The following GSE1 variants were observed in gnomAD, a reference collection of about 807,000 sequenced individuals.
GSE1 encodes the protein Gse1 coiled-coil protein.
A neutral mutation model predicts 112.6 loss-of-function variants in GSE1; 32 were observed. The observed-to-expected ratio is 0.28, with a 90% CI of 0.21 to 0.38. The LOEUF is 0.38. Ranked by LOEUF, GSE1 falls within the 10% of genes least tolerant of loss-of-function variation. The pLI, the probability that GSE1 is intolerant of heterozygous loss-of-function variation, is 1.00. For missense variants in GSE1, 2,348 were observed against 1,699.2 expected (o/e 1.38, Z -6.71); for synonymous variants, 1,115 against 735.6 (o/e 1.52, Z -8.35).
intron 2 of GSE1, among the ~76,000 whole-genome samples, chr16:85,521,334 C>T (rs190868531): frequency 3.3e-5 from 5 of 152,330 alleles, no homozygotes; most frequent in East Asian, 1.9e-4. Context: ...AGAGGAGGAA[C>T]TGGAGCTCAG....
At chr16:85,670,891 G>C (rs377469964) in intron 14 of GSE1, 104 bp from the exon 15 acceptor site, 5 of 722,542 alleles carry the variant, frequency 6.9e-6, no homozygotes, top group Non-Finnish European at 1.3e-5. Flanking sequence ...CTGCACTGGA[G>C]AGAGGTTTTG....
chr16:85,464,553 G>T (rs772080386), intron 2 of GSE1, among the ~76,000 whole-genome samples: 120 of 152,338 alleles, frequency 7.9e-4, no homozygotes, highest in Admixed American at 1.4e-3. Flanking sequence ...GCCTGGTCAT[G>T]CGGTGTCTGG....
intron 2 of GSE1, among the ~76,000 whole-genome samples, chr16:85,534,493 A>G (rs1402382870): frequency 6.6e-6 from 1 of 152,138 alleles, no homozygotes; most frequent in African/African-American, 2.4e-5. Context: ...CCTTTTTGTG[A>G]CTGGCTCGTT....
At chr16:85,495,489 A>G (rs1183887391) in intron 2 of GSE1, among the ~76,000 whole-genome samples, 2 of 146,848 alleles carry the variant, frequency 1.4e-5, no homozygotes, top group Admixed American at 1.3e-4. Flanking sequence ...GTATTTATTT[A>G]TTCATTTATG....
chr16:85,628,668 C>T (rs573074240), intron 1 of GSE1, among the ~76,000 whole-genome samples: 5 of 152,308 alleles, frequency 3.3e-5, no homozygotes, highest in South Asian at 4.1e-4. Context: ...GTGCTGACTT[C>T]GTGCCGTCGA....
chr16:85,300,969 G>A (rs2045507078), intron 1 of GSE1, among the ~76,000 whole-genome samples: 1 of 152,168 alleles, frequency 6.6e-6, no homozygotes, highest in Non-Finnish European at 1.5e-5. Flanking sequence ...AGATGCAGTG[G>A]GGGTGTGGGA....
chr16:85,509,927 G>A (rs1567547838), intron 2 of GSE1, among the ~76,000 whole-genome samples: 1 of 152,226 alleles, frequency 6.6e-6, no homozygotes, highest in Non-Finnish European at 1.5e-5. Flanking sequence ...GCTGACAAGA[G>A]CCATTTCCAA....
At chr16:85,271,072 C>G (rs1003237009) in intron 1 of GSE1, among the ~76,000 whole-genome samples, 1 of 152,372 alleles carries the variant, frequency 6.6e-6, no homozygotes, top group East Asian at 1.9e-4. Context: ...TGTGGCCCAG[C>G]AGCCCACCTG....
intron 1 of GSE1, among the ~76,000 whole-genome samples, chr16:85,624,253 C>T (rs998762578): frequency 6.6e-5 from 10 of 152,206 alleles, no homozygotes; most frequent in African/African-American, 1.7e-4. Context: ...GGACCTCATC[C>T]GTTCCTCTGC....
intron 2 of GSE1, among the ~76,000 whole-genome samples, chr16:85,473,236 C>T (rs1383655964): frequency 2.0e-5 from 3 of 152,198 alleles, no homozygotes; most frequent in Non-Finnish European, 4.4e-5. Context: ...GGTCCCTGGC[C>T]TGGGGAGCTT....
At chr16:85,518,946 G>A (rs536993028) in intron 2 of GSE1, among the ~76,000 whole-genome samples, 1 of 152,218 alleles carries the variant, frequency 6.6e-6, no homozygotes, top group Admixed American at 6.5e-5. Context: ...TCTGGACCTG[G>A]ATCCAGGCAG....
chr16:85,620,101 C>T (rs758190107), intron 1 of GSE1, among the ~76,000 whole-genome samples: 10 of 152,102 alleles, frequency 6.6e-5, no homozygotes, highest in Non-Finnish European at 8.8e-5. Context: ...TTTAAGACCT[C>T]CTCTCTACAA....
chr16:85,604,236 C>G (rs1053329938), intron 1 of GSE1, among the ~76,000 whole-genome samples: 1 of 152,224 alleles, frequency 6.6e-6, no homozygotes, highest in Admixed American at 6.5e-5. Context: ...TTTGCCTGTT[C>G]CGGGCATTTC....
At chr16:85,446,142 C>T (rs1333200648) in intron 2 of GSE1, among the ~76,000 whole-genome samples, 2 of 152,196 alleles carry the variant, frequency 1.3e-5, no homozygotes, top group East Asian at 3.9e-4. Flanking sequence ...GCCCTGGCAT[C>T]CCACCAGGCA....
intron 1 of GSE1, among the ~76,000 whole-genome samples, chr16:85,577,941 G>A (rs751608183): frequency 3.3e-5 from 5 of 152,254 alleles, no homozygotes; most frequent in African/African-American, 4.8e-5. Flanking sequence ...TGCAGAGCCC[G>A]GCTTGCTGCT....
chr16:85,175,782 C>T (rs2074450919), intron 1 of GSE1, among the ~76,000 whole-genome samples: 1 of 152,190 alleles, frequency 6.6e-6, no homozygotes, highest in African/African-American at 2.4e-5. Flanking sequence ...GTGCACACTT[C>T]ACCTGTATTC....
intron 1 of GSE1, among the ~76,000 whole-genome samples, chr16:85,591,753 A>G (rs2047011330): frequency 6.6e-6 from 1 of 152,232 alleles, no homozygotes; most frequent in Non-Finnish European, 1.5e-5. Context: ...TCATTTCTTC[A>G]TTCATTCCAT....
At chr16:85,307,490 A>G (rs999214167) in intron 1 of GSE1, among the ~76,000 whole-genome samples, 2 of 152,210 alleles carry the variant, frequency 1.3e-5, no homozygotes, top group Non-Finnish European at 1.5e-5. Flanking sequence ...GGTTTAAGTC[A>G]GCCAAGGGGA....
At position 85,633,984 on chromosome 16, in the gene GSE1, C is replaced by A; in HGVS notation, c.78C>A (p.Val26=). ...CCGCGACCAGGACCACCGCCACCGTCAACCCCCTCACCCCCTCGCCGCTCA... is the reference window on the plus strand; with the variant it reads ...CCGCGACCAGGACCACCGCCACCGTAAACCCCCTCACCCCCTCGCCGCTCA... ...LSTATRTTAT[V]NPLTPSPLNG... Residue 26 remains valine (V), a synonymous_variant, in exon 2 of 16, where the codon GTC becomes GTA. Coordinates refer to ENST00000253458, the MANE Select transcript of GSE1 (RefSeq NM_014615.5). 1 of 1,613,270 alleles carries A rather than the reference C, an allele frequency of 6.2e-7. No homozygotes were observed. Among genetic ancestry groups the A allele is most frequent in the Non-Finnish European group, 8.5e-7 (1 of 1,179,764 alleles).
Sources: gnomAD v4.1 joint callset for allele counts (sites outside exome capture counted in the v4.1 genomes callset) on GRCh38, gnomAD v4.1.1 for gene constraint, MANE v1.5 for transcripts, NCBI Gene and HGNC (gene_info 2026-07-23, HGNC 2026-07-21) for gene names.